The following RBFOX1 variants were observed in gnomAD, a reference collection of about 807,000 sequenced individuals.
RBFOX1 encodes RNA binding protein fox-1 homolog 1.
RBFOX1 carries 8 observed loss-of-function variants against 57.7 expected under a neutral mutation model. The ratio of observed to expected loss-of-function variants is 0.14; its 90% CI spans 0.08 to 0.25. The LOEUF (loss-of-function observed/expected upper bound fraction) is 0.25. Among genes scored for constraint, RBFOX1 ranks in the 10% least tolerant of loss-of-function variants. The probability of loss-of-function intolerance (pLI) is 1.00; values close to 1 mark genes in which losing one functional copy is unlikely to be tolerated. For synonymous variants in RBFOX1, 326 were observed against 222.4 expected, an observed-to-expected ratio of 1.47 and a Z score of -4.15; for missense variants, 611 against 548.5, an observed-to-expected ratio of 1.11 and a Z score of -1.14.
At chr16:7,382,097 C>G (rs1411993871) in intron 4 of RBFOX1, among the ~76,000 whole-genome samples, 5 of 152,126 alleles carry the variant, frequency 3.3e-5, no homozygotes, top group African/African-American at 9.7e-5. Flanking sequence ...AAATAAAATT[C>G]AACCTATTCT....
intron 1 of RBFOX1, among the ~76,000 whole-genome samples, chr16:6,206,747 A>G (rs1310765882): frequency 6.6e-6 from 1 of 152,212 alleles, no homozygotes; most frequent in Admixed American, 6.5e-5. Flanking sequence ...GACTAGCACA[A>G]TATTAATACC....
chr16:6,090,632 C>T (rs1350497921), intron 1 of RBFOX1, among the ~76,000 whole-genome samples: 3 of 152,186 alleles, frequency 2.0e-5, no homozygotes, highest in African/African-American at 7.2e-5. Flanking sequence ...ATTACGTTAC[C>T]ATATTGATCT....
At chr16:7,258,914 C>A (rs1271270271) in intron 4 of RBFOX1, among the ~76,000 whole-genome samples, 1 of 152,104 alleles carries the variant, frequency 6.6e-6, no homozygotes, top group Non-Finnish European at 1.5e-5. Flanking sequence ...CTCTGGTTTC[C>A]CATAAGGTGA....
intron 2 of RBFOX1, among the ~76,000 whole-genome samples, chr16:6,598,264 A>C (rs1035746658): frequency 8.5e-5 from 13 of 152,240 alleles, no homozygotes; most frequent in African/African-American, 3.1e-4. Context: ...CTATATAATT[A>C]AGACATCCTT....
chr16:5,930,141 G>T (rs2059018998), intron 4 of RBFOX1, among the ~76,000 whole-genome samples: 1 of 151,524 alleles, frequency 6.6e-6, no homozygotes, highest in African/African-American at 2.4e-5. Context: ...AGGGGCATCT[G>T]TGTTAATGTT....
intron 4 of RBFOX1, among the ~76,000 whole-genome samples, chr16:7,338,496 A>G (rs1379145979): frequency 1.3e-5 from 2 of 152,126 alleles, no homozygotes; most frequent in Non-Finnish European, 2.9e-5. Flanking sequence ...CCTGGTCTCA[A>G]GTAATCCTCA....
intron 4 of RBFOX1, among the ~76,000 whole-genome samples, chr16:7,161,941 A>G (rs1301057970): frequency 6.6e-6 from 1 of 152,244 alleles, no homozygotes; most frequent in Non-Finnish European, 1.5e-5. Context: ...GGGTTACCCA[A>G]GTTGAGCTTT....
At position 6,466,426 on chromosome 16, in the gene RBFOX1, C is replaced by G. The variant is rs80053026; in HGVS notation, c.-64+149369C>G. Among the ~76,000 whole-genome samples, 682 of 152,186 alleles carry G rather than the reference C, an allele frequency of 4.5e-3. 3 individuals carry two copies. The highest frequency in any genetic ancestry group is 7.4e-3 in the Non-Finnish European group (503 of 68,010). On this transcript the variant is annotated intron_variant, in intron 2 of 15. Transcript: ENST00000550418. Reference sequence around the variant, plus strand: ...TCTCAGCCACCACCTGAAGTAGTTGCTATTAAACCCATTTTAGAGGTGAGG... The same window carrying G: ...TCTCAGCCACCACCTGAAGTAGTTGGTATTAAACCCATTTTAGAGGTGAGG...
At chr16:5,434,473 C>T (rs1480000486) in intron 1 of RBFOX1, among the ~76,000 whole-genome samples, 1 of 151,764 alleles carries the variant, frequency 6.6e-6, no homozygotes, top group Non-Finnish European at 1.5e-5. Context: ...AGGCATGCAC[C>T]ACCATGCCCA....
chr16:6,792,216 T>A (rs1027435521), intron 3 of RBFOX1, among the ~76,000 whole-genome samples: 12 of 152,192 alleles, frequency 7.9e-5, no homozygotes, highest in African/African-American at 2.9e-4. Flanking sequence ...CAAGGTCAAT[T>A]TTAAAGCACT....
In RBFOX1 at chr16:7,113,198, T is replaced by C. The variant is rs186446059; in HGVS notation, c.27+61100T>C. ...ACAGATACATAAATACATTGAGCTT[T>C]CTGAGGAGACCTGGAGTCTGCATAT... On this transcript the variant is annotated intron_variant, in intron 4 of 15. Transcript: ENST00000550418. Among the ~76,000 whole-genome samples, 162 of 152,330 alleles carry C rather than the reference T, an allele frequency of 1.1e-3. 1 individual carries two copies. In the East Asian group the frequency reaches 0.025, roughly 23 times the overall value.
chr16:6,005,273 A>T (rs2060673098), intron 4 of RBFOX1, among the ~76,000 whole-genome samples: 1 of 152,228 alleles, frequency 6.6e-6, no homozygotes, highest in Admixed American at 6.5e-5. Flanking sequence ...TTAAGGAATG[A>T]TCACACCTTC....
intron 3 of RBFOX1, among the ~76,000 whole-genome samples, chr16:6,885,788 C>T (rs992087713): frequency 6.6e-5 from 10 of 152,164 alleles, no homozygotes; most frequent in African/African-American, 1.4e-4. Context: ...GCCTTGGCCT[C>T]CCAAAATGCT....
chr16:7,651,870 G>C (rs1407137839), intron 11 of RBFOX1, among the ~76,000 whole-genome samples: 6 of 152,188 alleles, frequency 3.9e-5, no homozygotes, highest in African/African-American at 1.4e-4. Context: ...ACACAGTTTG[G>C]GAAACAATAC....
chr16:6,692,454 C>T (rs933213541), intron 3 of RBFOX1, among the ~76,000 whole-genome samples: 6 of 152,164 alleles, frequency 3.9e-5, no homozygotes, highest in African/African-American at 1.4e-4. Flanking sequence ...CTTCCTAGAA[C>T]ATTGAAATGT....
chr16:5,654,083 A>G (rs932305137), intron 3 of RBFOX1, among the ~76,000 whole-genome samples: 5 of 152,130 alleles, frequency 3.3e-5, no homozygotes, highest in African/African-American at 1.2e-4. Context: ...AAGTGCATAG[A>G]CTTTGCAGTG....
At chr16:7,372,762 G>C (rs915702389) in intron 4 of RBFOX1, among the ~76,000 whole-genome samples, 1 of 151,910 alleles carries the variant, frequency 6.6e-6, no homozygotes, top group Admixed American at 6.6e-5. Context: ...ATGGGAAAAG[G>C]AGAAGAGAGG....
chr16:5,720,987 A>T (rs2051909779), intron 3 of RBFOX1, among the ~76,000 whole-genome samples: 2 of 152,198 alleles, frequency 1.3e-5, no homozygotes, highest in African/African-American at 4.8e-5. Context: ...AAAATTTGGT[A>T]GGGATTGTGT....
chr16:6,764,259 C>T (rs921808651), intron 3 of RBFOX1, among the ~76,000 whole-genome samples: 6 of 152,206 alleles, frequency 3.9e-5, no homozygotes, highest in African/African-American at 1.4e-4. Flanking sequence ...GACTTGAAAG[C>T]ACTGAAGTTC....
Sources: gnomAD v4.1 joint callset for allele counts (sites outside exome capture counted in the v4.1 genomes callset) on GRCh38, gnomAD v4.1.1 for gene constraint, MANE v1.5 for transcripts, NCBI Gene and HGNC (gene_info 2026-07-23, HGNC 2026-07-21) for gene names.